CAMTA1: variants seen among roughly 807,000 people sequenced by gnomAD.
CAMTA1 encodes the protein calmodulin binding transcription activator 1.
Under a neutral mutation model 170.9 loss-of-function variants are expected in CAMTA1, and 27 were observed. The observed-to-expected ratio is 0.16, with a 90% CI of 0.12 to 0.22. CAMTA1 has a LOEUF of 0.22. Among genes scored for constraint, CAMTA1 ranks in the 10% least tolerant of loss-of-function variants. CAMTA1 has a pLI of 1.00. For synonymous variants in CAMTA1, 833 were observed against 891.5 expected (o/e 0.93, Z 1.17); for missense variants, 1,619 against 2,217.2 (o/e 0.73, Z 5.42).
chr1:7,624,460 A>C (rs2095619991), intron 6 of CAMTA1, among the ~76,000 whole-genome samples: 1 of 152,248 alleles, frequency 6.6e-6, no homozygotes, highest in Non-Finnish European at 1.5e-5. Context: ...AAACTGGGTT[A>C]AAATGAAGAC....
At chr1:7,408,227 C>T (rs570268246) in intron 5 of CAMTA1, among the ~76,000 whole-genome samples, 3 of 152,296 alleles carry the variant, frequency 2.0e-5, no homozygotes, top group Admixed American at 1.3e-4. Flanking sequence ...CTGGCGATGG[C>T]GGGGCAGACA....
chr1:7,380,642 C>G (rs1417889230), intron 5 of CAMTA1, among the ~76,000 whole-genome samples: 1 of 152,218 alleles, frequency 6.6e-6, no homozygotes, highest in Admixed American at 6.5e-5. Flanking sequence ...CACTCTTCCT[C>G]TTTAGGGCCT....
intron 6 of CAMTA1, among the ~76,000 whole-genome samples, chr1:7,549,078 G>C (rs2094759343): frequency 2.2e-5 from 3 of 133,614 alleles, no homozygotes; most frequent in African/African-American, 2.8e-5. Context: ...CATGGAGGGT[G>C]CCTCCTTAGG....
intron 6 of CAMTA1, among the ~76,000 whole-genome samples, chr1:7,533,153 AGC>A (rs2094510043): frequency 1.3e-5 from 2 of 152,164 alleles, no homozygotes; most frequent in Non-Finnish European, 2.9e-5. Flanking sequence ...GTCTCCCTCC[AGC>A]GTCCCCAGTC....
chr1:7,422,604 G>T (rs968062597), intron 5 of CAMTA1, among the ~76,000 whole-genome samples: 4 of 152,150 alleles, frequency 2.6e-5, no homozygotes, highest in African/African-American at 9.7e-5. Context: ...TTGAAAATGA[G>T]GATTTTAATA....
chr1:7,353,891 C>T (rs966851871), intron 5 of CAMTA1, among the ~76,000 whole-genome samples: 10 of 151,966 alleles, frequency 6.6e-5, no homozygotes, highest in Middle Eastern at 3.2e-3. Context: ...GGTACTTTTT[C>T]GATCCTCACC....
At chr1:6,801,248 A>G (rs1237464411) in intron 1 of CAMTA1, among the ~76,000 whole-genome samples, 1 of 152,180 alleles carries the variant, frequency 6.6e-6, no homozygotes, top group Non-Finnish European at 1.5e-5. Flanking sequence ...AGCTTGTATG[A>G]GTGTTTTCTG....
At chr1:7,257,892 G>A (rs1667652427) in intron 5 of CAMTA1, among the ~76,000 whole-genome samples, 2 of 152,186 alleles carry the variant, frequency 1.3e-5, no homozygotes, top group Non-Finnish European at 2.9e-5. Flanking sequence ...GAAGACATGA[G>A]GAAGTGAGTT....
rs529191267 is a variant in CAMTA1 at position 7,680,748 on chromosome 1, G to A, written c.2914+3015G>A. Among the ~76,000 whole-genome samples, 2 of 152,050 alleles carry A rather than the reference G, an allele frequency of 1.3e-5. No homozygotes were observed. Among genetic ancestry groups the A allele is most frequent in the South Asian group, 4.1e-4 (2 of 4,824 alleles). On this transcript the variant is annotated intron_variant, in intron 11 of 22. Coordinates refer to ENST00000303635, the MANE Select transcript of CAMTA1 (RefSeq NM_015215.4). This position sits in a 1 kb window ranked among gnomAD's most constrained non-coding sequence, Gnocchi z 4.4. ...GCGCGGGGGAAAATGTTTGAGGGCG[G>A]GGAAGAGACTGTCTGCCCTCATTTG...
intron 5 of CAMTA1, among the ~76,000 whole-genome samples, chr1:7,405,472 G>A (rs1045499153): frequency 6.6e-6 from 1 of 152,136 alleles, no homozygotes; most frequent in African/African-American, 2.4e-5. Flanking sequence ...TCAGGCTCAA[G>A]CAATCCTCCC....
intron 2 of CAMTA1, among the ~76,000 whole-genome samples, chr1:6,822,497 T>G (rs1264705210): frequency 3.3e-5 from 5 of 152,168 alleles, no homozygotes; most frequent in Admixed American, 2.6e-4. Context: ...CCCATTGTTA[T>G]GTTTCTTAAA....
intron 6 of CAMTA1, among the ~76,000 whole-genome samples, chr1:7,632,373 T>G (rs1205437510): frequency 6.6e-6 from 1 of 152,076 alleles, no homozygotes; most frequent in African/African-American, 2.4e-5. Context: ...TTCTGGGTAA[T>G]GTATACATTT....
intron 3 of CAMTA1, among the ~76,000 whole-genome samples, chr1:7,043,113 C>G (rs911381227): frequency 3.9e-5 from 6 of 152,210 alleles, no homozygotes; most frequent in Non-Finnish European, 7.3e-5. Flanking sequence ...CAGGACGGGA[C>G]AGGTGGCCAC....
intron 3 of CAMTA1, among the ~76,000 whole-genome samples, chr1:7,047,500 G>A (rs1705577733): frequency 6.6e-6 from 1 of 152,050 alleles, no homozygotes; most frequent in African/African-American, 2.4e-5. Context: ...CCTCTCTTCC[G>A]CTTACCTTTC....
intron 6 of CAMTA1, among the ~76,000 whole-genome samples, chr1:7,627,660 G>A (rs2095642422): frequency 6.6e-6 from 1 of 152,342 alleles, no homozygotes; most frequent in South Asian, 2.1e-4. Context: ...TGTCTCTGGA[G>A]CACACACTCT....
chr1:7,400,069 C>T (rs958928560), intron 5 of CAMTA1, among the ~76,000 whole-genome samples: 3 of 152,112 alleles, frequency 2.0e-5, no homozygotes, highest in African/African-American at 7.2e-5. Flanking sequence ...GATTTCTGTG[C>T]CTTTTACCAA....
chr1:7,449,263 A>G (rs2092754148), intron 5 of CAMTA1, among the ~76,000 whole-genome samples: 1 of 152,236 alleles, frequency 6.6e-6, no homozygotes, highest in Admixed American at 6.5e-5. Flanking sequence ...AACCCAGCGA[A>G]GCTGCACCCA....
At chr1:6,883,977 ATCTT>A in intron 3 of CAMTA1, among the ~76,000 whole-genome samples, 1 of 152,160 alleles carries the variant, frequency 6.6e-6, no homozygotes. Context: ...ATTGGTATAT[ATCTT>A]ATATTTCCAT....
chr1:7,118,854 A>T (rs992846226), intron 4 of CAMTA1, among the ~76,000 whole-genome samples: 1 of 152,206 alleles, frequency 6.6e-6, no homozygotes, highest in Non-Finnish European at 1.5e-5. Flanking sequence ...GAACCTTGCC[A>T]TTGAGAGGCT....
Sources: gnomAD v4.1 joint callset for allele counts (sites outside exome capture counted in the v4.1 genomes callset) on GRCh38, gnomAD v4.1.1 for gene constraint, Gnocchi (gnomAD v3.1) non-coding constraint, MANE v1.5 for transcripts, NCBI Gene and HGNC (gene_info 2026-07-23, HGNC 2026-07-21) for gene names.